ITSN2: variants seen among roughly 807,000 people sequenced by gnomAD.
ITSN2 encodes intersectin 2.
Under a neutral mutation model 243.7 loss-of-function variants are expected in ITSN2, and 156 were observed. That is an observed-to-expected ratio of 0.64 (90% confidence interval 0.56 to 0.73). ITSN2 has a LOEUF of 0.73. Ranked by LOEUF, ITSN2 falls within the 30% of genes least tolerant of loss-of-function variation. The pLI is 0.00. For synonymous variants in ITSN2, 703 were observed against 699.9 expected (o/e 1.00, Z -0.07); for missense variants, 1,801 against 1,996.1 (o/e 0.90, Z 1.86).
upstream of ITSN2, among the ~76,000 whole-genome samples, chr2:24,360,982 G>A (rs905307429): frequency 6.6e-6 from 1 of 152,202 alleles, no homozygotes. Context: ...CTGGGAATTG[G>A]GGGGTGGAAG....
In ITSN2 at chr2:24,249,006, A is replaced by C; in HGVS notation, c.3121-124T>G. 11 of 965,794 alleles carry C rather than the reference A, an allele frequency of 1.1e-5. No homozygotes were observed. In the South Asian group the frequency reaches 1.6e-4, roughly 14 times the overall value. The allele number at this position is 965,794 out of a possible 1,614,324, so 59.8% of individuals were successfully genotyped here. ...TCTTTTCTCTTTAAATGAAGATGAA[A>C]ATGACAATGAACCTCATGCAGTATT... On this transcript the variant is annotated intron_variant, in intron 25 of 39. Transcript: ENST00000355123. The surrounding 1 kb of genome is among the most constrained non-coding windows in gnomAD (Gnocchi z 4.4).
At chr2:24,335,688 G>A (rs1686283668) in intron 1 of ITSN2, among the ~76,000 whole-genome samples, 1 of 43,838 alleles carries the variant, frequency 2.3e-5, no homozygotes, top group Non-Finnish European at 7.7e-5. Flanking sequence ...CCCCCAGGCT[G>A]GAGTGCAGTG....
At chr2:24,235,951 A>G (rs2151224110) in intron 29 of ITSN2, among the ~76,000 whole-genome samples, 2 of 152,346 alleles carry the variant, frequency 1.3e-5, no homozygotes, top group Middle Eastern at 6.8e-3. Context: ...GGTCCTCAAC[A>G]AATTAAACAT....
At position 24,303,264 on chromosome 2, in the gene ITSN2, G is replaced by A. The variant is rs142411713; in HGVS notation, c.857+535C>T. On this transcript the variant is annotated intron_variant, in intron 9 of 39. Coordinates refer to ENST00000355123, the MANE Select transcript of ITSN2 (RefSeq NM_006277.3). ...ATCATAGGAGACAATGGCTCCATGCGTGTTATTGCCCCGAACACCTTCCAG... is the reference window on the plus strand; with the variant it reads ...ATCATAGGAGACAATGGCTCCATGCATGTTATTGCCCCGAACACCTTCCAG... Among the ~76,000 whole-genome samples the A allele has an allele frequency of 2.6e-5, 4 of 152,248 alleles. No homozygotes were observed. The East Asian group carries it at 7.7e-4, about 29-fold the overall frequency.
At chr2:24,283,673 C>T (rs995491382) in intron 17 of ITSN2, among the ~76,000 whole-genome samples, 1 of 152,192 alleles carries the variant, frequency 6.6e-6, no homozygotes, top group African/African-American at 2.4e-5. Flanking sequence ...CTAAATTGCT[C>T]TGATGAAAGT....
intron 12 of ITSN2, among the ~76,000 whole-genome samples, chr2:24,299,347 T>C (rs1416494506): frequency 6.6e-6 from 1 of 152,166 alleles, no homozygotes; most frequent in African/African-American, 2.4e-5. Context: ...TCTATTCTGG[T>C]ATCTGGGGGA....
At chr2:24,342,955 G>C (rs1687180983) in intron 1 of ITSN2, among the ~76,000 whole-genome samples, 1 of 151,970 alleles carries the variant, frequency 6.6e-6, no homozygotes, top group South Asian at 2.1e-4. Context: ...GCCAGGCGAG[G>C]TGGCATGTGC....
chr2:24,220,946 TCGA>T lies in ITSN2; in HGVS notation c.3695_3697del (p.Val1232del). 1.3e-6 allele frequency: 2 copies of T among 1,597,084 alleles called. No individual in the cohort carries two copies. Among genetic ancestry groups the T allele is most frequent in the Non-Finnish European group, 1.7e-6 (2 of 1,172,756 alleles). On this transcript the variant is annotated inframe_deletion and splice_region_variant, in exon 30 of 40. Coordinates refer to ENST00000355123, the MANE Select transcript of ITSN2 (RefSeq NM_006277.3). ...GCTAGCCAGCAGCAGCCTCCTCACCTCGACGACGAGCTGAAGGTCAGCCATGTA... is the reference window on the plus strand; with the variant it reads ...GCTAGCCAGCAGCAGCCTCCTCACCTCGACGAGCTGAAGGTCAGCCATGTA...
rs111757417 is a variant in ITSN2, at chr2:24,339,757, C to T, written c.-33-11642G>A. Among the ~76,000 whole-genome samples the T allele has an allele frequency of 9.5e-4, 144 of 152,170 alleles. 1 individual carries two copies. Among genetic ancestry groups the T allele is most frequent in the Middle Eastern group, 3.4e-3 (1 of 294 alleles). On this transcript the variant is annotated intron_variant, in intron 1 of 39. Transcript: ENST00000355123. The stretch of plus-strand genomic sequence containing the variant: ...AACTAAATAGGTCAGGTGTGGTTCA[C>T]GGCTCATGCCTGCAATCCCAGCACT...
chr2:24,315,026 T>C (rs1683737146), intron 3 of ITSN2, 106 bp downstream of exon 3: 1 of 484,318 alleles, frequency 2.1e-6, no homozygotes, highest in African/African-American at 2.0e-5. Context: ...TTGATATGAA[T>C]TTTATCGTTT....
chr2:24,212,222 G>A (rs375342328), intron 33 of ITSN2, among the ~76,000 whole-genome samples: 1 of 152,178 alleles, frequency 6.6e-6, no homozygotes, highest in Non-Finnish European at 1.5e-5. Context: ...AGCCTCCTGG[G>A]ACATCTAGGA....
At chr2:24,305,833 T>C (rs180758460) in intron 8 of ITSN2, among the ~76,000 whole-genome samples, 1 of 152,144 alleles carries the variant, frequency 6.6e-6, no homozygotes, top group African/African-American at 2.4e-5. Context: ...CAATGTGACA[T>C]ATACTAATGA....
rs750562435 is a variant in ITSN2 at position 24,353,019 on chromosome 2, T to C, written c.-34+7285A>G. 2.0e-5 allele frequency among the ~76,000 whole-genome samples: 3 copies of C among 152,268 alleles called. No individual in the cohort carries two copies. In the East Asian group the frequency reaches 5.8e-4, roughly 29 times the overall value. On this transcript the variant is annotated intron_variant, in intron 1 of 39. Coordinates refer to ENST00000355123, the MANE Select transcript of ITSN2 (RefSeq NM_006277.3). ...CACTTTCAAGTAAAACATCACCTCT[T>C]TGAAACAAAGACAACTTTTAAGTTT...
At chr2:24,308,885 G>T in intron 7 of ITSN2, 129 bp from the exon 8 acceptor site, 1 of 653,806 alleles carries the variant, frequency 1.5e-6, no homozygotes, top group Non-Finnish European at 2.7e-6. Flanking sequence ...GACCTGTTAG[G>T]AACCGGGCTG....
Position 24,261,647 on chromosome 2 carries a change from T to C in ITSN2, c.2451A>G (p.Pro817=), listed in dbSNP as rs761511837. The part of the protein sequence containing the change: ...WFPCNYVEKM[P]SSENEKAVSP... Reference sequence around the variant, plus strand: ...ATACAGCTTTTTCATTTTCACTTGATGGCATTTTTTCTACATAATTGCATG... The same window carrying C: ...ATACAGCTTTTTCATTTTCACTTGACGGCATTTTTTCTACATAATTGCATG... The change falls in exon 21 of 40, where the codon CCA becomes CCG. Residue 817 remains proline (P), a synonymous_variant. Transcript: ENST00000355123. 2 of 1,613,508 alleles carry C rather than the reference T, an allele frequency of 1.2e-6. No homozygotes were observed. The highest frequency in any genetic ancestry group is 3.3e-5 in the Admixed American group (2 of 60,028).
chr2:24,284,179 G>A (rs979194851), intron 17 of ITSN2, among the ~76,000 whole-genome samples: 8 of 152,052 alleles, frequency 5.3e-5, no homozygotes, highest in Non-Finnish European at 5.9e-5. Flanking sequence ...AATAATCTAC[G>A]TTATACATGG....
At chr2:24,304,285 C>T (rs1682196251) in intron 8 of ITSN2, among the ~76,000 whole-genome samples, 1 of 152,166 alleles carries the variant, frequency 6.6e-6, no homozygotes, top group South Asian at 2.1e-4. Flanking sequence ...TGAGTCAAGG[C>T]CTGTCCAAAA....
chr2:24,349,920 AC>A (rs896037286), intron 1 of ITSN2, among the ~76,000 whole-genome samples: 9 of 152,192 alleles, frequency 5.9e-5, no homozygotes, highest in African/African-American at 1.9e-4. Flanking sequence ...AGACAACACC[AC>A]TGATGTAGTG....
chr2:24,234,666 T>TA (rs1558460633), intron 29 of ITSN2, among the ~76,000 whole-genome samples: 1 of 151,652 alleles, frequency 6.6e-6, no homozygotes, highest in Admixed American at 6.6e-5. Flanking sequence ...AGAAAACAAA[T>TA]AAAAAAATGG....
Sources: allele counts gnomAD v4.1 joint callset (sites outside exome capture counted in the v4.1 genomes callset), GRCh38; gene constraint gnomAD v4.1.1; non-coding constraint Gnocchi (gnomAD v3.1); transcripts MANE v1.5; gene names NCBI Gene and HGNC (gene_info 2026-07-23, HGNC 2026-07-21).